The following SLCO2B1 variants were observed in gnomAD, a reference collection of about 807,000 sequenced individuals.
The protein encoded by SLCO2B1 is solute carrier organic anion transporter family member 2B1.
SLCO2B1 carries 41 observed loss-of-function variants against 67.3 expected under a neutral mutation model. That is an observed-to-expected ratio of 0.61 (90% CI 0.47 to 0.79). The LOEUF (loss-of-function observed/expected upper bound fraction) is 0.79. Among genes scored for constraint, SLCO2B1 ranks in the 30% least tolerant of loss-of-function variants. SLCO2B1 has a pLI of 0.00. For synonymous variants in SLCO2B1, 379 were observed against 381.4 expected (o/e 0.99, Z 0.07); for missense variants, 837 against 920.1 (o/e 0.91, Z 1.17).
chr11:75,186,510 ATT>A (rs796721700), intron 7 of SLCO2B1, among the ~76,000 whole-genome samples: 1 of 147,374 alleles, frequency 6.8e-6, no homozygotes, highest in Non-Finnish European at 1.5e-5. Context: ...CGCCCGACTG[ATT>A]TTTTTTTTAT....
intron 1 of SLCO2B1, among the ~76,000 whole-genome samples, chr11:75,155,834 CA>C (rs1714285561): frequency 6.6e-6 from 1 of 152,066 alleles, no homozygotes; most frequent in Admixed American, 6.5e-5. Flanking sequence ...ACAGCTGGTA[CA>C]AAGGCTTTGA....
At chr11:75,190,550 G>C (rs1348247399) in intron 8 of SLCO2B1, among the ~76,000 whole-genome samples, 4 of 152,126 alleles carry the variant, frequency 2.6e-5, no homozygotes, top group African/African-American at 9.7e-5. Flanking sequence ...CTCTGATGGA[G>C]GTTACGTAGT....
intron 7 of SLCO2B1, among the ~76,000 whole-genome samples, chr11:75,185,926 T>C (rs980975597): frequency 6.6e-6 from 1 of 152,200 alleles, no homozygotes; most frequent in African/African-American, 2.4e-5. Context: ...GAAATGCTTC[T>C]GTTCTCCAGA....
chr11:75,172,670 C>A, intron 7 of SLCO2B1, 101 bp downstream of exon 7: 1 of 1,104,662 alleles, frequency 9.1e-7, no homozygotes. Flanking sequence ...TGGCTCACAT[C>A]TGTAGTTCCA....
rs757004014 is a variant in SLCO2B1 at position 75,193,425 on chromosome 11, G to A, written c.1283G>A (p.Gly428Asp). The change falls in exon 9 of 14, where the codon GGT (glycine) becomes GAT (aspartate). Residue 428 changes from glycine to aspartate, a missense_variant. Transcript: ENST00000289575. The surrounding 1 kb of genome is among the most constrained non-coding windows in gnomAD (Gnocchi z 4.2). ...TCGGTCATCGTGGGCATCGTGGTGG[G>A]TGGCGTCCTGGTCAAGCGGCTCCAC... ...FPSVIVGIVV[G>D]GVLVKRLHLG... The A allele has an allele frequency of 4.6e-5, 74 of 1,613,916 alleles. No individual in the cohort carries two copies. Among genetic ancestry groups the A allele is most frequent in the Non-Finnish European group, 6.2e-5 (73 of 1,179,926 alleles).
intron 10 of SLCO2B1, 92 bp downstream of exon 10, chr11:75,196,771 C>T: frequency 3.4e-6 from 4 of 1,176,660 alleles, no homozygotes; most frequent in Non-Finnish European, 3.6e-6. Flanking sequence ...TCTGCATGCT[C>T]TCACTCTGTA....
At chr11:75,170,810 A>T (rs984851964) in intron 6 of SLCO2B1, among the ~76,000 whole-genome samples, 1 of 152,176 alleles carries the variant, frequency 6.6e-6, no homozygotes, top group African/African-American at 2.4e-5. Flanking sequence ...CCTGGGAGTC[A>T]GGGGTTCCCT....
chr11:75,200,276 G>C lies in SLCO2B1; in HGVS notation c.1652G>C (p.Gly551Ala). Residue 551 changes from glycine (G) to alanine (A), a missense_variant, in exon 11 of 14, where the codon GGA becomes GCA. Coordinates refer to ENST00000289575, the MANE Select transcript of SLCO2B1 (RefSeq NM_007256.5). ...CVVEGNPVLAGSCDSTCSHLV... is the reference protein window; with the variant it reads ...CVVEGNPVLAASCDSTCSHLV... ...GTGGAGGGCAACCCCGTGCTGGCAG[G>C]ATCCTGCGACTCAACGTGCAGCCAT... The C allele has an allele frequency of 3.7e-6, 6 of 1,613,908 alleles. No individual in the cohort carries two copies. Among genetic ancestry groups the C allele is most frequent in the Non-Finnish European group, 5.1e-6 (6 of 1,179,930 alleles).
chr11:75,204,408 GCC>G lies in SLCO2B1; in HGVS notation c.1959_1960del (p.Leu654ProfsTer67). Reference sequence around the variant, plus strand: ...CCCCATTCTTTCCCCAGGTTCATCGGCCTCCAGTTCTTCTTCAAAACAGGTTC... The same window carrying G: ...CCCCATTCTTTCCCCAGGTTCATCGGTCCAGTTCTTCTTCAAAACAGGTTC... On this transcript the variant is annotated frameshift_variant, in exon 14 of 14. Transcript: ENST00000289575. LOFTEE classifies it low-confidence loss of function (END_TRUNC). 6.2e-7 allele frequency: 1 copy of G among 1,603,386 alleles called. No homozygotes were observed. The highest frequency in any genetic ancestry group is 8.5e-7 in the Non-Finnish European group (1 of 1,174,952).
intron 9 of SLCO2B1, chr11:75,196,202 G>A (rs958118966): frequency 3.7e-6 from 1 of 272,636 alleles, no homozygotes; most frequent in African/African-American, 2.2e-5. Flanking sequence ...TTGAGGGAAA[G>A]ATACTCCTCA....
Position 75,196,585 on chromosome 11 carries a change from C to G in SLCO2B1, c.1505C>G (p.Pro502Arg). 2 of 1,614,130 alleles carry G rather than the reference C, an allele frequency of 1.2e-6. No individual in the cohort carries two copies. Among genetic ancestry groups the G allele is most frequent in the African/African-American group, 2.7e-5 (2 of 75,054 alleles). The change falls in exon 10 of 14, where the codon CCT (proline) becomes CGT (arginine). Residue 502 changes from proline to arginine, a missense_variant. Transcript: ENST00000289575. ...ACSCPLDGFN[P>R]VCDPSTRVEY... Reference sequence around the variant, plus strand: ...TCCTGCCCATTGGACGGCTTTAACCCTGTCTGCGACCCCAGCACTCGTGTG... The same window carrying G: ...TCCTGCCCATTGGACGGCTTTAACCGTGTCTGCGACCCCAGCACTCGTGTG...
At chr11:75,186,093 T>C (rs1232676805) in intron 7 of SLCO2B1, among the ~76,000 whole-genome samples, 1 of 152,154 alleles carries the variant, frequency 6.6e-6, no homozygotes, top group Non-Finnish European at 1.5e-5. Context: ...TCAGTCAAGA[T>C]GGAGTTGTTC....
intron 1 of SLCO2B1, among the ~76,000 whole-genome samples, chr11:75,159,265 G>A (rs1002242157): frequency 5.3e-5 from 8 of 152,238 alleles, no homozygotes; most frequent in Non-Finnish European, 8.8e-5. Flanking sequence ...GGCCAGCTCG[G>A]GCTGTGGGTC....
rs879494996 is a variant in SLCO2B1, at chr11:75,205,744, T to C, written c.*1164T>C. The stretch of plus-strand genomic sequence containing the variant: ...TGCTCGTGTCTTATGATCCAATCCT[T>C]TTCTACATCAGCCCTTGTTTTGTTT... On this transcript the variant is annotated 3_prime_UTR_variant, in exon 14 of 14. Transcript: ENST00000289575. 5 of 152,268 alleles carry C rather than the reference T, an allele frequency of 3.3e-5. No homozygotes were observed. Among genetic ancestry groups the C allele is most frequent in the Non-Finnish European group, 5.9e-5 (4 of 68,074 alleles). The allele number at this position is 152,268 out of a possible 1,614,324, so 9.4% of individuals were successfully genotyped here.
intron 6 of SLCO2B1, among the ~76,000 whole-genome samples, chr11:75,170,946 C>T (rs546572619): frequency 2.4e-4 from 36 of 152,284 alleles, no homozygotes; most frequent in Middle Eastern, 6.8e-3. Context: ...CCTGCCACCT[C>T]GAAACTCCCT....
chr11:75,168,916 G>A (rs1209053658), intron 4 of SLCO2B1, among the ~76,000 whole-genome samples: 1 of 152,224 alleles, frequency 6.6e-6, no homozygotes. Flanking sequence ...GAAAGGTGGT[G>A]TAGGGCAGTT....
In SLCO2B1 at chr11:75,165,833, G is replaced by A. The variant is rs142693902; in HGVS notation, c.332G>A (p.Arg111Gln). 6.5e-4 allele frequency: 1,056 copies of A among 1,614,168 alleles called. 7 individuals are homozygous for A. The highest frequency in any genetic ancestry group is 2.0e-4 in the Non-Finnish European group (237 of 1,180,018). ...LIVFVSYFGS[R>Q]VHRPRMIGYG... The stretch of plus-strand genomic sequence containing the variant: ...GTGTTTGTGAGCTATTTTGGCAGCC[G>A]GGTGCACCGACCCCGAATGATTGGC... Residue 111 changes from arginine (R) to glutamine (Q), a missense_variant, in exon 4 of 14, where the codon CGG becomes CAG. Arg to Gln is a conservative substitution (Grantham distance 43, BLOSUM62 1). Coordinates refer to ENST00000289575, the MANE Select transcript of SLCO2B1 (RefSeq NM_007256.5).
At chr11:75,157,844 G>A (rs958108589) in intron 1 of SLCO2B1, among the ~76,000 whole-genome samples, 2 of 152,076 alleles carry the variant, frequency 1.3e-5, no homozygotes, top group East Asian at 1.9e-4. Flanking sequence ...TAGAGATGGG[G>A]TATCACCATG....
intron 1 of SLCO2B1, among the ~76,000 whole-genome samples, chr11:75,161,129 C>A (rs1030807005): frequency 6.6e-6 from 1 of 152,326 alleles, no homozygotes; most frequent in Non-Finnish European, 1.5e-5. Flanking sequence ...CAAATTTGTA[C>A]ATGAATGCTT....
Sources: gnomAD v4.1 joint callset for allele counts (sites outside exome capture counted in the v4.1 genomes callset) on GRCh38, gnomAD v4.1.1 for gene constraint, Gnocchi (gnomAD v3.1) non-coding constraint, MANE v1.5 for transcripts, NCBI Gene and HGNC (gene_info 2026-07-23, HGNC 2026-07-21) for gene names.